The following AHCTF1 variants were observed in gnomAD, a reference collection of about 807,000 sequenced individuals.
AHCTF1 encodes protein ELYS.
AHCTF1 carries 24 observed loss-of-function variants against 248.4 expected under a neutral mutation model. The ratio of observed to expected loss-of-function variants is 0.10; its 90% CI spans 0.07 to 0.14. The LOEUF is 0.14. Ranked by LOEUF, AHCTF1 falls within the 10% of genes least tolerant of loss-of-function variation. AHCTF1 has a pLI of 1.00. For synonymous variants in AHCTF1, 786 were observed against 929.8 expected (o/e 0.85, Z 2.81); for missense variants, 2,206 against 2,636.2 (o/e 0.84, Z 3.57).
At chr1:246,924,942 T>C (rs568275417) in intron 1 of AHCTF1, among the ~76,000 whole-genome samples, 2 of 152,244 alleles carry the variant, frequency 1.3e-5, no homozygotes, top group East Asian at 1.9e-4. Flanking sequence ...ACTCAAGCCT[T>C]AGTTGCTCTT....
chr1:246,877,922 TA>T (rs1370055759), intron 21 of AHCTF1, among the ~76,000 whole-genome samples: 34 of 152,074 alleles, frequency 2.2e-4, no homozygotes, highest in Non-Finnish European at 4.1e-4. Flanking sequence ...GTTATTTATT[TA>T]TTTTTATTTT....
chr1:246,904,660 C>T (rs1207047237), intron 6 of AHCTF1, among the ~76,000 whole-genome samples: 1 of 152,244 alleles, frequency 6.6e-6, no homozygotes, highest in East Asian at 1.9e-4. Context: ...TATCAAGACA[C>T]AAAGTGAAGA....
rs769875584 is a variant in AHCTF1 at position 246,905,532 on chromosome 1, G to A, written c.881+9C>T. 2.5e-5 allele frequency: 40 copies of A among 1,599,520 alleles called. No individual in the cohort carries two copies. The highest frequency in any genetic ancestry group is 1.6e-4 in the East Asian group (7 of 44,806). On this transcript the variant is annotated intron_variant, in intron 6 of 35. Transcript: ENST00000648844. ...AAACAAAACAAAACAAAGTTTGTAT[G>A]AGACCTACCTATCTTGTGTAGACTG... is the stretch of plus-strand genomic sequence containing the variant.
At chr1:246,888,119 C>T in intron 19 of AHCTF1, 58 bp downstream of exon 19, 1 of 1,574,286 alleles carries the variant, frequency 6.4e-7, no homozygotes, top group South Asian at 1.1e-5. Context: ...TTCCACTACT[C>T]TTGAAATTTT....
chr1:246,921,581 G>A (rs564555160), intron 1 of AHCTF1, among the ~76,000 whole-genome samples: 13 of 152,024 alleles, frequency 8.6e-5, no homozygotes, highest in Non-Finnish European at 7.4e-5. Context: ...CAAAAATATA[G>A]TACTAATAGG....
intron 24 of AHCTF1, among the ~76,000 whole-genome samples, chr1:246,869,827 A>G (rs561637753): frequency 6.6e-6 from 1 of 152,346 alleles, no homozygotes; most frequent in Admixed American, 6.5e-5. Context: ...AAAACACAAC[A>G]TCCATTCTGT....
At chr1:246,888,077 A>G (rs1315380039) in intron 19 of AHCTF1, 100 bp downstream of exon 19, 1 of 1,367,562 alleles carries the variant, frequency 7.3e-7, no homozygotes. Context: ...AAACAAAACC[A>G]AAATTCAACC....
At chr1:246,884,692 C>G (rs147936400) in intron 21 of AHCTF1, among the ~76,000 whole-genome samples, 1,540 of 152,182 alleles carry the variant, frequency 0.01, 20 homozygotes, top group Middle Eastern at 0.017. Context: ...ATGTAAATGA[C>G]AAATACACTG....
At position 246,887,139 on chromosome 1, in the gene AHCTF1, A is replaced by C. The variant is rs1010191499; in HGVS notation, c.2472+72T>G. 1.0e-5 allele frequency: 15 copies of C among 1,503,698 alleles called. No homozygotes were observed. In the African/African-American group the frequency reaches 1.8e-4, roughly 18 times the overall value. 93.1% of individuals were successfully genotyped at this position (1,503,698 alleles called of 1,614,324 possible). A position where few individuals can be genotyped will look rare whatever the true frequency, so the allele number is the denominator to read the frequency against. On this transcript the variant is annotated intron_variant, in intron 20 of 35. Transcript: ENST00000648844. Reference sequence around the variant, plus strand: ...GACTGTATCATATCTTTTAATACCAAATTTAAATTATGTGTATTTTCTAAA... The same window carrying C: ...GACTGTATCATATCTTTTAATACCACATTTAAATTATGTGTATTTTCTAAA...
chr1:246,848,153 G>A (rs931306985), intron 33 of AHCTF1, among the ~76,000 whole-genome samples: 28 of 152,234 alleles, frequency 1.8e-4, no homozygotes, highest in African/African-American at 6.5e-4. Context: ...TCATTTTTAG[G>A]ACAAATGATC....
Position 246,849,731 on chromosome 1 carries a change from T to C in AHCTF1, c.6275A>G (p.Lys2092Arg), listed in dbSNP as rs1660556051. Reference sequence around the variant, plus strand: ...CCGAGTCCTGCTGCTGCGGGATGATTTAGTGAAGGAAGCTGTGGCGAGCAA... The same window carrying C: ...CCGAGTCCTGCTGCTGCGGGATGATCTAGTGAAGGAAGCTGTGGCGAGCAA... ...ERLLATASFT[K>R]SSRSSRTRSS... The change falls in exon 33 of 36, where the codon AAA (lysine) becomes AGA (arginine). Residue 2092 changes from lysine (K) to arginine (R), a missense_variant. This residue lies in a region of AHCTF1 where 469 missense variants were observed against 470.0 expected (regional missense o/e 1.00). Transcript: ENST00000648844. 2 of 1,614,026 alleles carry C rather than the reference T, an allele frequency of 1.2e-6. No individual in the cohort carries two copies. The highest frequency in any genetic ancestry group is 1.3e-5 in the African/African-American group (1 of 75,054).
At chr1:246,842,983 T>TC (rs1217167811) in intron 34 of AHCTF1, among the ~76,000 whole-genome samples, 1 of 152,194 alleles carries the variant, frequency 6.6e-6, no homozygotes, top group Non-Finnish European at 1.5e-5. Context: ...TCAACTAATC[T>TC]CCAAGTTATC....
chr1:246,924,664 A>C (rs894861347), intron 1 of AHCTF1, among the ~76,000 whole-genome samples: 10 of 152,182 alleles, frequency 6.6e-5, no homozygotes, highest in Non-Finnish European at 1.2e-4. Context: ...AAAAAATTAA[A>C]ATATATGAGT....
At chr1:246,922,851 C>A (rs372894439) in intron 1 of AHCTF1, among the ~76,000 whole-genome samples, 2 of 150,646 alleles carry the variant, frequency 1.3e-5, no homozygotes, top group Non-Finnish European at 3.0e-5. Flanking sequence ...GGCGTGGTGG[C>A]AGGCGCCTGT....
intron 5 of AHCTF1, among the ~76,000 whole-genome samples, chr1:246,907,260 A>T (rs1372978076): frequency 6.6e-6 from 1 of 152,218 alleles, no homozygotes; most frequent in African/African-American, 2.4e-5. Flanking sequence ...TGTTGACCAA[A>T]ACGTTGTAAA....
chr1:246,875,043 A>G (rs1018403817), intron 24 of AHCTF1, among the ~76,000 whole-genome samples: 1 of 82,794 alleles, frequency 1.2e-5, no homozygotes, highest in Non-Finnish European at 2.5e-5. Context: ...CCAACAACTT[A>G]TATTATAGAT....
chr1:246,907,664 A>C lies in AHCTF1; in HGVS notation c.651T>G (p.Ser217Arg). 1 of 1,613,884 alleles carries C rather than the reference A, an allele frequency of 6.2e-7. No individual in the cohort carries two copies. Residue 217 changes from serine to arginine, a missense_variant, in exon 5 of 36, where the codon AGT becomes AGG. Physicochemically the swap from Ser to Arg is moderately radical, Grantham distance 110. Around this residue, in one of 6 missense-constraint regions of AHCTF1, gnomAD observed 650 missense variants for 870.8 expected, o/e 0.75. Coordinates refer to ENST00000648844, the MANE Select transcript of AHCTF1 (RefSeq NM_001323342.2). ...GAGTTGAAACAGCTGTTCCTGTTGGACTTACTAACTGGAAACACAGATGGC... is the reference window on the plus strand; with the variant it reads ...GAGTTGAAACAGCTGTTCCTGTTGGCCTTACTAACTGGAAACACAGATGGC... ...QGRHLCFQLV[S>R]PTGTAVSTLS...
intron 24 of AHCTF1, 88 bp from the exon 25 acceptor site, chr1:246,867,899 CCCCACA>C: frequency 5.0e-5 from 28 of 557,344 alleles, no homozygotes; most frequent in Middle Eastern, 3.6e-4. Context: ...ACACCCCCCC[CCCCACA>C]CACACACACA....
chr1:246,885,763 C>A, intron 20 of AHCTF1, 83 bp from the exon 21 acceptor site: 1 of 1,272,494 alleles, frequency 7.9e-7, no homozygotes, highest in Non-Finnish European at 1.1e-6. Context: ...CTAAAAACCA[C>A]AAAAATCCAG....
Sources: allele counts gnomAD v4.1 joint callset (sites outside exome capture counted in the v4.1 genomes callset), GRCh38; gene constraint gnomAD v4.1.1; regional missense constraint gnomAD v4.1.1; transcripts MANE v1.5; gene names NCBI Gene and HGNC (gene_info 2026-07-23, HGNC 2026-07-21).